The following ZNF732 variants were observed in gnomAD, a reference collection of about 807,000 sequenced individuals.
The protein encoded by ZNF732 is zinc finger protein LOC654254.
A neutral mutation model predicts 11.5 loss-of-function variants in ZNF732; 12 were observed. The observed-to-expected ratio is 1.05, with a 90% confidence interval of 0.67 to 1.70. The LOEUF (loss-of-function observed/expected upper bound fraction) is 1.70. ZNF732 is among the 40% of genes most tolerant of loss of function. ZNF732 has a pLI of 0.00. For synonymous variants in ZNF732, 231 were observed against 236.5 expected, an observed-to-expected ratio of 0.98 and a Z score of 0.21; for missense variants, 702 against 676.9, an observed-to-expected ratio of 1.04 and a Z score of -0.41.
chr4:279,102 C>A (rs1318260689), intron 3 of ZNF732, among the ~76,000 whole-genome samples: 1 of 151,882 alleles, frequency 6.6e-6, no homozygotes, highest in African/African-American at 2.4e-5. Context: ...AAAAACAAAG[C>A]CTGAGAACAT....
chr4:305,227 A>T (rs1206681781), intron 1 of ZNF732, 81 bp downstream of exon 1: 3 of 1,542,950 alleles, frequency 1.9e-6, no homozygotes, highest in Admixed American at 3.9e-5. Flanking sequence ...CTCCGTTCGC[A>T]GACTCCGTCC....
intron 3 of ZNF732, among the ~76,000 whole-genome samples, chr4:283,559 AAAG>A (rs1161899789): frequency 6.6e-6 from 1 of 152,068 alleles, no homozygotes; most frequent in East Asian, 1.9e-4. Flanking sequence ...TAATCTGTCA[AAAG>A]AATATAACAA....
intron 3 of ZNF732, among the ~76,000 whole-genome samples, chr4:280,613 A>T (rs1553839607): frequency 6.6e-6 from 1 of 152,184 alleles, no homozygotes; most frequent in Non-Finnish European, 1.5e-5. Flanking sequence ...ATGTCCTGAA[A>T]AAGGAAATTT....
Position 292,878 on chromosome 4 carries a change from C to T in ZNF732, c.226+2560G>A, listed in dbSNP as rs1458280029. On this transcript the variant is annotated intron_variant, in intron 3 of 3. Coordinates refer to ENST00000419098, the MANE Select transcript of ZNF732 (RefSeq NM_001137608.3). ...TGGCTAACATGGTGAAACTCTGTCTCTACTAAAAACACAAAAAAAAAAAAA... is the reference window on the plus strand; with the variant it reads ...TGGCTAACATGGTGAAACTCTGTCTTTACTAAAAACACAAAAAAAAAAAAA... Among the ~76,000 whole-genome samples, 46 of 94,668 alleles carry T rather than the reference C, an allele frequency of 4.9e-4. No homozygotes were observed. In the East Asian group the frequency reaches 0.014, roughly 29 times the overall value. The allele number at this position is 94,668 out of a possible 152,430, so 62.1% of individuals were successfully genotyped here.
chr4:270,918 A>T lies in ZNF732; in HGVS notation c.*181T>A. ...ATGCGGACTGTTTGAAGGCTTTCCC[A>T]CATTCTTTACATTTGTAGGGTTTTT... On this transcript the variant is annotated 3_prime_UTR_variant, in exon 4 of 4. Transcript: ENST00000419098. The T allele has an allele frequency of 1.3e-6, 1 of 754,360 alleles. No individual in the cohort carries two copies. Among genetic ancestry groups the T allele is most frequent in the Non-Finnish European group, 2.4e-6 (1 of 425,074 alleles). 46.7% of individuals were successfully genotyped at this position (754,360 alleles called of 1,614,324 possible).
At chr4:292,306 TA>T (rs1719854667) in intron 3 of ZNF732, among the ~76,000 whole-genome samples, 1 of 152,128 alleles carries the variant, frequency 6.6e-6, no homozygotes, top group Admixed American at 6.5e-5. Context: ...ATTTATCTGA[TA>T]AAAAATTTGG....
chr4:279,776 T>C (rs1245313961), intron 3 of ZNF732, among the ~76,000 whole-genome samples: 1 of 152,132 alleles, frequency 6.6e-6, no homozygotes, highest in Non-Finnish European at 1.5e-5. Flanking sequence ...AAAAAGTGTT[T>C]CTCTCACAGA....
chr4:302,795 G>A (rs1201576318), intron 1 of ZNF732, among the ~76,000 whole-genome samples: 4 of 152,204 alleles, frequency 2.6e-5, no homozygotes, highest in Admixed American at 6.5e-5. Flanking sequence ...AGTGGCTCAC[G>A]CCTGTAATCC....
chr4:299,391 G>GTGTATATATATATACACATATA (rs1343524347), intron 1 of ZNF732, among the ~76,000 whole-genome samples: 2 of 30,752 alleles, frequency 6.5e-5, no homozygotes, highest in African/African-American at 1.9e-4. Flanking sequence ...ATACACATAT[G>GTGTATATATATATACACATATA]TACACATATG....
At chr4:305,204 G>A in intron 1 of ZNF732, 104 bp downstream of exon 1, 1 of 1,439,290 alleles carries the variant, frequency 6.9e-7, no homozygotes, top group East Asian at 2.4e-5. Context: ...GGGCTGAGCG[G>A]CGGCAGCGGA....
At chr4:297,121 A>T (rs1029193787) in intron 1 of ZNF732, among the ~76,000 whole-genome samples, 2 of 152,130 alleles carry the variant, frequency 1.3e-5, no homozygotes, top group Non-Finnish European at 2.9e-5. Flanking sequence ...TACAAAAATT[A>T]ACCAGGCATA....
chr4:305,269 G>T, intron 1 of ZNF732, 39 bp downstream of exon 1: 2 of 1,599,746 alleles, frequency 1.3e-6, no homozygotes, highest in Non-Finnish European at 1.7e-6. Context: ...GTTCGGATGA[G>T]GCCTCCCCAG....
chr4:305,196 G>T lies in ZNF732; in HGVS notation c.3+112C>A, dbSNP rs1014433790. The T allele has an allele frequency of 3.5e-6, 5 of 1,420,360 alleles. No individual in the cohort carries two copies. In the African/African-American group the frequency reaches 7.2e-5, roughly 20 times the overall value. The allele number at this position is 1,420,360 out of a possible 1,614,324, so 88.0% of individuals were successfully genotyped here. Reference sequence around the variant, plus strand: ...CACCGGAAGGGACCAAGGACTGAGGGCTGAGCGGCGGCAGCGGAGACTCCG... The same window carrying T: ...CACCGGAAGGGACCAAGGACTGAGGTCTGAGCGGCGGCAGCGGAGACTCCG... On this transcript the variant is annotated intron_variant, in intron 1 of 3. Coordinates refer to ENST00000419098, the MANE Select transcript of ZNF732 (RefSeq NM_001137608.3).
intron 1 of ZNF732, among the ~76,000 whole-genome samples, chr4:298,417 C>CA (rs202047871): frequency 0.15 from 22,219 of 145,770 alleles, 1,899 homozygotes; most frequent in Admixed American, 0.25. Context: ...CACTTTTCAC[C>CA]AAAAAAAAAA....
At chr4:299,694 C>CT (rs1268663238) in intron 1 of ZNF732, among the ~76,000 whole-genome samples, 2,067 of 117,680 alleles carry the variant, frequency 0.018, 25 homozygotes, top group African/African-American at 0.025. Flanking sequence ...AATATATATA[C>CT]TTTTTTTTTT....
intron 3 of ZNF732, among the ~76,000 whole-genome samples, chr4:295,044 A>G (rs1336921563): frequency 6.6e-6 from 1 of 152,208 alleles, no homozygotes; most frequent in African/African-American, 2.4e-5. Flanking sequence ...CCAAATTCCA[A>G]TATGTCCACT....
chr4:299,964 A>G (rs1720080195), intron 1 of ZNF732, among the ~76,000 whole-genome samples: 1 of 147,442 alleles, frequency 6.8e-6, no homozygotes, highest in African/African-American at 2.5e-5. Context: ...TCGGCCTCCC[A>G]AAGTGCTAGG....
chr4:290,548 C>T (rs1719825338), intron 3 of ZNF732, among the ~76,000 whole-genome samples: 2 of 152,184 alleles, frequency 1.3e-5, no homozygotes, highest in African/African-American at 2.4e-5. Flanking sequence ...CATATGTAGT[C>T]ACAGTCTGTG....
intron 2 of ZNF732, 125 bp from the exon 3 acceptor site, chr4:295,658 G>A (rs1256494891): frequency 1.2e-6 from 1 of 859,672 alleles, no homozygotes; most frequent in Admixed American, 3.2e-5. Context: ...ATTGTTTCCT[G>A]GCAGAATCTT....
Sources: gnomAD v4.1 joint callset for allele counts (sites outside exome capture counted in the v4.1 genomes callset) on GRCh38, gnomAD v4.1.1 for gene constraint, MANE v1.5 for transcripts, NCBI Gene and HGNC (gene_info 2026-07-23, HGNC 2026-07-21) for gene names.